Variants in TTC23 observed in about 807,000 individuals in gnomAD.
TTC23 encodes tetratricopeptide repeat domain 23, also known as tetratricopeptide repeat protein 23.
TTC23 carries 58 observed loss-of-function variants against 55.1 expected under a neutral mutation model. The observed-to-expected ratio is 1.05, with a 90% CI of 0.85 to 1.31. The LOEUF is 1.31. TTC23 is among the 50% of genes most tolerant of loss of function. The pLI is 0.00. For synonymous variants in TTC23, 203 were observed against 199.9 expected, an observed-to-expected ratio of 1.02 and a Z score of -0.13; for missense variants, 516 against 534.4, an observed-to-expected ratio of 0.97 and a Z score of 0.34.
chr15:99,207,656 G>T (rs574178322), intron 8 of TTC23, among the ~76,000 whole-genome samples: 173 of 152,258 alleles, frequency 1.1e-3, no homozygotes, highest in African/African-American at 4.0e-3. Context: ...ACTCAGGAGG[G>T]TGAAGCATGA....
chr15:99,178,873 G>C (rs764228618), intron 9 of TTC23, among the ~76,000 whole-genome samples: 1 of 152,164 alleles, frequency 6.6e-6, no homozygotes, highest in Non-Finnish European at 1.5e-5. Context: ...CAAGGTGCTG[G>C]GGGCATTTGC....
At chr15:99,201,294 A>G (rs1238922073) in intron 8 of TTC23, among the ~76,000 whole-genome samples, 2 of 152,246 alleles carry the variant, frequency 1.3e-5, no homozygotes, top group Non-Finnish European at 2.9e-5. Context: ...AACACAGCAC[A>G]TATTTAAAAA....
intron 1 of TTC23, among the ~76,000 whole-genome samples, chr15:99,247,843 A>ATTTTCTAGGATGATGAAAATTTTCTAAT (rs57741081): frequency 1.3e-5 from 2 of 151,758 alleles, no homozygotes; most frequent in African/African-American, 2.4e-5. Flanking sequence ...AATTTTCTAA[A>ATTTTCTAGGATGATGAAAATTTTCTAAT]ATTGGAATGT....
intron 4 of TTC23, among the ~76,000 whole-genome samples, chr15:99,232,039 G>T (rs528743319): frequency 2.3e-4 from 34 of 147,286 alleles, no homozygotes; most frequent in Non-Finnish European, 3.5e-4. Context: ...TGATCCACCC[G>T]CCTTGGCCGC....
chr15:99,237,800 A>G (rs901441915), intron 3 of TTC23, among the ~76,000 whole-genome samples: 35 of 152,270 alleles, frequency 2.3e-4, no homozygotes, highest in African/African-American at 7.9e-4. Context: ...GCCCAAACTT[A>G]GCAAATTGTA....
At position 99,193,861 on chromosome 15, in the gene TTC23, T is replaced by C. The variant is rs575266047; in HGVS notation, c.759+6058A>G. 4.6e-5 allele frequency among the ~76,000 whole-genome samples: 7 copies of C among 152,078 alleles called. No homozygotes were observed. In the South Asian group the frequency reaches 1.5e-3, roughly 32 times the overall value. On this transcript the variant is annotated intron_variant, in intron 9 of 13. Transcript: ENST00000394132. Reference sequence around the variant, plus strand: ...CATCTCTACTCAAAGATACAAAAATTAGTTGGATGTGGTTGTGGGTGCCTG... The same window carrying C: ...CATCTCTACTCAAAGATACAAAAATCAGTTGGATGTGGTTGTGGGTGCCTG...
At chr15:99,243,079 A>T (rs1401130574) in intron 2 of TTC23, among the ~76,000 whole-genome samples, 3 of 152,328 alleles carry the variant, frequency 2.0e-5, no homozygotes, top group African/African-American at 7.2e-5. Context: ...AGAATGGGAG[A>T]AAATATTTGT....
chr15:99,161,972 T>C, intron 10 of TTC23, 105 bp from the exon 11 acceptor site: 1 of 1,269,108 alleles, frequency 7.9e-7, no homozygotes, highest in Non-Finnish European at 1.1e-6. Flanking sequence ...AAAGAGGTAT[T>C]GGGACAAGAA....
chr15:99,233,369 T>A (rs2079074818), intron 4 of TTC23, among the ~76,000 whole-genome samples: 1 of 152,176 alleles, frequency 6.6e-6, no homozygotes, highest in African/African-American at 2.4e-5. Context: ...ATTCTACAAA[T>A]ACTAAAAGGT....
rs548403207 is a variant in TTC23, at chr15:99,230,705, C to T, written c.-20-1973G>A. ...GCAAACAAGGAGAGAGTTAAAGATACTTCTTATCTTTAAAGTATGGAAAGA... is the reference window on the plus strand; with the variant it reads ...GCAAACAAGGAGAGAGTTAAAGATATTTCTTATCTTTAAAGTATGGAAAGA... On this transcript the variant is annotated intron_variant, in intron 4 of 13. Transcript: ENST00000394132. Among the ~76,000 whole-genome samples, 4 of 152,266 alleles carry T rather than the reference C, an allele frequency of 2.6e-5. No individual in the cohort carries two copies. The South Asian group carries it at 8.3e-4, about 32-fold the overall frequency.
In TTC23 at chr15:99,228,543, T is replaced by C; in HGVS notation, c.170A>G (p.Asn57Ser). 6.2e-7 allele frequency: 1 copy of C among 1,610,236 alleles called. No homozygotes were observed. The highest frequency in any genetic ancestry group is 8.5e-7 in the Non-Finnish European group (1 of 1,177,912). The change falls in exon 5 of 14, where the codon AAC becomes AGC. Residue 57 changes from asparagine (N) to serine (S), a missense_variant. By Grantham distance (46) the Asn-to-Ser change is conservative (BLOSUM62 1). Coordinates refer to ENST00000394132, the MANE Select transcript of TTC23 (RefSeq NM_001288615.3). ...CAAAAGTCTCCTTACCTCATGACTG[T>C]TGGAATAGGACTTTGCTTTCTCTTC... is the stretch of plus-strand genomic sequence containing the variant. ...LCEEKAKSYS[N>S]SHEYKQAVHE... is the part of the protein sequence containing the mutation.
chr15:99,200,745 T>C (rs1417265718), intron 8 of TTC23, among the ~76,000 whole-genome samples: 1 of 152,198 alleles, frequency 6.6e-6, no homozygotes, highest in Non-Finnish European at 1.5e-5. Context: ...AGTGATACTC[T>C]GGCAGGGCAA....
At chr15:99,172,020 ATTT>A (rs368669705) in intron 10 of TTC23, among the ~76,000 whole-genome samples, 1 of 138,862 alleles carries the variant, frequency 7.2e-6, no homozygotes. Flanking sequence ...TGTTTCTCAC[ATTT>A]TTTTTTTTTT....
intron 10 of TTC23, among the ~76,000 whole-genome samples, chr15:99,172,340 G>A (rs1024109296): frequency 5.9e-5 from 9 of 152,074 alleles, no homozygotes; most frequent in East Asian, 3.9e-4. Flanking sequence ...GCATGTCACC[G>A]AATGCCCTCA....
intron 9 of TTC23, among the ~76,000 whole-genome samples, chr15:99,194,552 C>CAAAAA (rs760038465): frequency 2.2e-4 from 9 of 40,468 alleles, no homozygotes; most frequent in Non-Finnish European, 3.0e-4. Flanking sequence ...ACATCACGTG[C>CAAAAA]AAAAAAAAAA....
chr15:99,183,946 G>A (rs1435969210), intron 9 of TTC23, among the ~76,000 whole-genome samples: 3 of 152,100 alleles, frequency 2.0e-5, no homozygotes, highest in Non-Finnish European at 2.9e-5. Flanking sequence ...CTAGGGACTC[G>A]GTGCCTTGCT....
rs56890685 is a variant in TTC23, at chr15:99,204,632, G to GTTTTTTTTTTTTTTTTTTT, written c.582-4555_582-4537dup. Among the ~76,000 whole-genome samples, 3 of 60,892 alleles carry GTTTTTTTTTTTTTTTTTTT rather than the reference G, an allele frequency of 4.9e-5. 1 individual carries two copies. The highest frequency in any genetic ancestry group is 8.5e-5 in the Non-Finnish European group (3 of 35,218). The allele number at this position is 60,892 out of a possible 152,430, so 39.9% of individuals were successfully genotyped here. A position where few individuals can be genotyped will look rare whatever the true frequency, so the allele number is the denominator to read the frequency against. On this transcript the variant is annotated intron_variant, in intron 8 of 13. Coordinates refer to ENST00000394132, the MANE Select transcript of TTC23 (RefSeq NM_001288615.3). The stretch of plus-strand genomic sequence containing the variant: ...TCAGAGTTTCAGTCTTAGATTTAAG[G>GTTTTTTTTTTTTTTTTTTT]TTTTTTTTTTTTTTTTTTTTTTTAG...
At chr15:99,207,733 G>C (rs889079648) in intron 8 of TTC23, among the ~76,000 whole-genome samples, 1 of 152,092 alleles carries the variant, frequency 6.6e-6, no homozygotes, top group African/African-American at 2.4e-5. Flanking sequence ...CTCCACCCTG[G>C]GTGACAGAGG....
At chr15:99,170,194 G>A (rs373457408) in intron 10 of TTC23, among the ~76,000 whole-genome samples, 2 of 152,056 alleles carry the variant, frequency 1.3e-5, no homozygotes, top group Non-Finnish European at 2.9e-5. Context: ...ACAAGCCTTC[G>A]TGACTTCTTG....
Sources: allele counts gnomAD v4.1 joint callset (sites outside exome capture counted in the v4.1 genomes callset), GRCh38; gene constraint gnomAD v4.1.1; transcripts MANE v1.5; gene names NCBI Gene and HGNC (gene_info 2026-07-23, HGNC 2026-07-21).